Variants in NPFFR1 observed in about 807,000 individuals in gnomAD.
NPFFR1 encodes neuropeptide FF receptor 1.
NPFFR1 carries 17 observed loss-of-function variants against 12.7 expected under a neutral mutation model. The ratio of observed to expected loss-of-function variants is 1.34; its 90% CI spans 0.92 to 2.01. NPFFR1 has a LOEUF of 2.01. Among genes scored for constraint, NPFFR1 ranks in the 30% most tolerant of loss-of-function variants. NPFFR1 has a pLI of 0.00. For synonymous variants in NPFFR1, 296 were observed against 264.5 expected, an observed-to-expected ratio of 1.12 and a Z score of -1.16; for missense variants, 604 against 606.5, an observed-to-expected ratio of 1.00 and a Z score of 0.04.
At chr10:70,279,516 G>A (rs1164095651) in intron 1 of NPFFR1, among the ~76,000 whole-genome samples, 1 of 152,054 alleles carries the variant, frequency 6.6e-6, no homozygotes, top group Non-Finnish European at 1.5e-5. Context: ...CCAGAGTGCA[G>A]TGGCACAATC....
chr10:70,271,255 G>A (rs951837900), intron 1 of NPFFR1, among the ~76,000 whole-genome samples: 2 of 152,144 alleles, frequency 1.3e-5, no homozygotes, highest in Admixed American at 1.3e-4. Context: ...GCTCACCCCT[G>A]TAGTCACAGT....
intron 1 of NPFFR1, among the ~76,000 whole-genome samples, chr10:70,268,418 G>A (rs1840716950): frequency 6.6e-6 from 1 of 151,534 alleles, no homozygotes; most frequent in Non-Finnish European, 1.5e-5. Context: ...GTGTGGATCG[G>A]AGCAAGATTT....
intron 1 of NPFFR1, among the ~76,000 whole-genome samples, chr10:70,280,642 C>A (rs762582326): frequency 6.6e-6 from 1 of 152,118 alleles, no homozygotes; most frequent in Non-Finnish European, 1.5e-5. Context: ...CTAATATAGG[C>A]TCCTAATGAA....
At chr10:70,259,452 C>T (rs1290898739) in intron 3 of NPFFR1, among the ~76,000 whole-genome samples, 1 of 152,118 alleles carries the variant, frequency 6.6e-6, no homozygotes. Context: ...TTGAAGAATA[C>T]TGCAAACACC....
intron 1 of NPFFR1, among the ~76,000 whole-genome samples, chr10:70,269,138 T>C (rs1456087891): frequency 3.9e-5 from 6 of 152,198 alleles, no homozygotes; most frequent in Non-Finnish European, 1.5e-5. Context: ...GTTCCCTGTA[T>C]TACCTGTACT....
intron 1 of NPFFR1, among the ~76,000 whole-genome samples, chr10:70,274,021 C>G (rs936699870): frequency 9.9e-5 from 15 of 152,180 alleles, no homozygotes; most frequent in Non-Finnish European, 1.8e-4. Flanking sequence ...CAACACCATC[C>G]CACACGCTGT....
At chr10:70,270,871 G>A (rs1158830313) in intron 1 of NPFFR1, among the ~76,000 whole-genome samples, 4 of 152,248 alleles carry the variant, frequency 2.6e-5, no homozygotes, top group East Asian at 3.9e-4. Flanking sequence ...ATCTCAGGGT[G>A]TAATAATGGT....
At chr10:70,271,503 A>T (rs1232247159) in intron 1 of NPFFR1, among the ~76,000 whole-genome samples, 2 of 152,018 alleles carry the variant, frequency 1.3e-5, no homozygotes, top group Non-Finnish European at 2.9e-5. Flanking sequence ...ACAGATCAAG[A>T]CTCTTTCTCA....
intron 1 of NPFFR1, among the ~76,000 whole-genome samples, chr10:70,278,692 C>G (rs1840829609): frequency 6.6e-6 from 1 of 152,162 alleles, no homozygotes; most frequent in Admixed American, 6.5e-5. Context: ...TCTGAGAGAT[C>G]TTGGCAGTGT....
rs1840567945 is a variant in NPFFR1, at chr10:70,255,947, A to G, written c.423-120T>C. 1.9e-6 allele frequency: 2 copies of G among 1,071,140 alleles called. No homozygotes were observed. Among genetic ancestry groups the G allele is most frequent in the Non-Finnish European group, 2.7e-6 (2 of 752,194 alleles). 66.4% of individuals were successfully genotyped at this position (1,071,140 alleles called of 1,614,324 possible). A position where few individuals can be genotyped will look rare whatever the true frequency, so the allele number is the denominator to read the frequency against. ...CGCATCTAGGGCGGCGTCGAAGAAC[A>G]GCTCAGACCTGAATTGGCTGAGTAG... On this transcript the variant is annotated intron_variant, in intron 3 of 3. Coordinates refer to ENST00000277942, the MANE Select transcript of NPFFR1 (RefSeq NM_022146.5). The surrounding 1 kb of genome is among the most constrained non-coding windows in gnomAD (Gnocchi z 4.2).
chr10:70,258,169 A>G (rs777252170), intron 3 of NPFFR1, among the ~76,000 whole-genome samples: 6 of 152,028 alleles, frequency 3.9e-5, no homozygotes, highest in Admixed American at 2.0e-4. Context: ...TCAGTCTCTC[A>G]TCCCACCCGA....
chr10:70,272,208 A>AAAGG lies in NPFFR1; in HGVS notation c.8-5821_8-5818dup, dbSNP rs1840754165. Among the ~76,000 whole-genome samples the AAAGG allele has an allele frequency of 3.4e-4, 7 of 20,314 alleles. No homozygotes were observed. In the South Asian group the frequency reaches 4.0e-3, roughly 12 times the overall value. The allele number at this position is 20,314 out of a possible 152,430, so 13.3% of individuals were successfully genotyped here. A position where few individuals can be genotyped will look rare whatever the true frequency, so the allele number is the denominator to read the frequency against. On this transcript the variant is annotated intron_variant, in intron 1 of 3. Transcript: ENST00000277942. ...GGAGGGAGGAAAGAAAGAAAGAAAG[A>AAAGG]AAGGAAAGAAAGAAAGAAAGAAAGA... is the stretch of plus-strand genomic sequence containing the variant.
At position 70,252,594 on chromosome 10, in the gene NPFFR1, G is replaced by C. The variant is rs1014865557; in HGVS notation, c.*2363C>G. 6.6e-6 allele frequency: 1 copy of C among 152,212 alleles called. No individual in the cohort carries two copies. The highest frequency in any genetic ancestry group is 2.4e-5 in the African/African-American group (1 of 41,452). 9.4% of individuals were successfully genotyped at this position (152,212 alleles called of 1,614,324 possible). A position where few individuals can be genotyped will look rare whatever the true frequency, so the allele number is the denominator to read the frequency against. On this transcript the variant is annotated 3_prime_UTR_variant, in exon 4 of 4. Transcript: ENST00000277942. Reference sequence around the variant, plus strand: ...CCCCACATACCCACAATGTCTCACTGCTTCATTAAAGCATTGTCATGCCTG... The same window carrying C: ...CCCCACATACCCACAATGTCTCACTCCTTCATTAAAGCATTGTCATGCCTG...
intron 3 of NPFFR1, among the ~76,000 whole-genome samples, chr10:70,256,118 G>A (rs557808978): frequency 6.8e-6 from 1 of 147,588 alleles, no homozygotes; most frequent in South Asian, 2.1e-4. Flanking sequence ...CTGTCGCCCA[G>A]TCTGGAGTGC....
chr10:70,271,322 G>A (rs1001555408), intron 1 of NPFFR1, among the ~76,000 whole-genome samples: 2 of 152,108 alleles, frequency 1.3e-5, no homozygotes, highest in Non-Finnish European at 2.9e-5. Flanking sequence ...AGACCAGCCT[G>A]AGCAACAGAG....
chr10:70,260,814 C>T, intron 2 of NPFFR1, 75 bp from the exon 3 acceptor site: 1 of 1,259,652 alleles, frequency 7.9e-7, no homozygotes. Flanking sequence ...CCCTCCAAGC[C>T]AGGTCCCCTC....
intron 3 of NPFFR1, among the ~76,000 whole-genome samples, chr10:70,259,507 A>G (rs1840612562): frequency 6.6e-6 from 1 of 152,158 alleles, no homozygotes; most frequent in Non-Finnish European, 1.5e-5. Context: ...CAATGATAAC[A>G]AAACAAAGGT....
intron 1 of NPFFR1, among the ~76,000 whole-genome samples, chr10:70,271,873 T>G (rs1020035257): frequency 5.7e-4 from 87 of 151,998 alleles, no homozygotes; most frequent in African/African-American, 2.1e-3. Context: ...TCCCAGCACT[T>G]TGGGAGGCCA....
chr10:70,255,974 C>G lies in NPFFR1; in HGVS notation c.423-147G>C. 1 of 781,222 alleles carries G rather than the reference C, an allele frequency of 1.3e-6. No homozygotes were observed. Among genetic ancestry groups the G allele is most frequent in the Admixed American group, 2.8e-5 (1 of 35,258 alleles). 48.4% of individuals were successfully genotyped at this position (781,222 alleles called of 1,614,324 possible). ...CTCAGACCTGAATTGGCTGAGTAGT[C>G]AAAGAACAAAGGCAGCTACAGGATT... On this transcript the variant is annotated intron_variant, in intron 3 of 3. Coordinates refer to ENST00000277942, the MANE Select transcript of NPFFR1 (RefSeq NM_022146.5). The surrounding 1 kb of genome is among the most constrained non-coding windows in gnomAD (Gnocchi z 4.2).
Sources: gnomAD v4.1 joint callset for allele counts (sites outside exome capture counted in the v4.1 genomes callset) on GRCh38, gnomAD v4.1.1 for gene constraint, Gnocchi (gnomAD v3.1) non-coding constraint, MANE v1.5 for transcripts, NCBI Gene and HGNC (gene_info 2026-07-23, HGNC 2026-07-21) for gene names.